TBL1XR1: variants seen among roughly 807,000 people sequenced by gnomAD.
The protein encoded by TBL1XR1 is TBL1X/Y related 1.
In TBL1XR1, 5 loss-of-function variants were observed where a neutral mutation model predicts 66.9. The ratio of observed to expected loss-of-function variants is 0.07; its 90% CI spans 0.04 to 0.16. The LOEUF (loss-of-function observed/expected upper bound fraction) is 0.16, where lower values mean the gene tolerates loss of function less well. Ranked by LOEUF, TBL1XR1 falls within the 10% of genes least tolerant of loss-of-function variation. The pLI, the probability that TBL1XR1 is intolerant of heterozygous loss-of-function variation, is 1.00. For missense variants in TBL1XR1, 238 were observed against 623.2 expected (o/e 0.38, Z 6.58); for synonymous variants, 210 against 206.0 (o/e 1.02, Z -0.17).
chr3:177,197,080 C>CCCGGCCGCCCCCACTCCAGGGT (rs1736964779), intron 1 of TBL1XR1, 41 bp downstream of exon 1: 1 of 152,066 alleles, frequency 6.6e-6, no homozygotes, highest in Non-Finnish European at 1.5e-5. Context: ...CGCCCAGGCC[C>CCCGGCCGCCCCCACTCCAGGGT]CCGGCCGCCC....
chr3:177,026,459 G>C lies in TBL1XR1; in HGVS notation c.1432C>G (p.His478Asp), dbSNP rs760486288. 6.2e-7 allele frequency: 1 copy of C among 1,603,292 alleles called. No homozygotes were observed. Among genetic ancestry groups the C allele is most frequent in the Non-Finnish European group, 8.5e-7 (1 of 1,176,956 alleles). The change falls in exon 15 of 16, where the codon CAC becomes GAC. Residue 478 changes from histidine (H) to aspartate (D), a missense_variant. By Grantham distance (81) the His-to-Asp change is moderately conservative. This residue lies in a region of TBL1XR1 where 26 missense variants were observed against 35.1 expected (regional missense o/e 0.74). Coordinates refer to ENST00000457928, the MANE Select transcript of TBL1XR1 (RefSeq NM_024665.7). Reference sequence around the variant, plus strand: ...ATTCCACCTGTTCCCCTATAGCTGTGAACTAGAGCACCTGTCTAAAAGAAT... The same window carrying C: ...ATTCCACCTGTTCCCCTATAGCTGTCAACTAGAGCACCTGTCTAAAAGAAT... Reference protein sequence around the residue: ...IWNTQTGALVHSYRGTGGIFE... With the variant: ...IWNTQTGALVDSYRGTGGIFE...
At chr3:177,077,547 T>C (rs918158587) in intron 2 of TBL1XR1, among the ~76,000 whole-genome samples, 2 of 152,214 alleles carry the variant, frequency 1.3e-5, no homozygotes, top group Non-Finnish European at 2.9e-5. Flanking sequence ...ACCTATCACC[T>C]GTATTATTAC....
chr3:177,118,289 T>C (rs1238946603), intron 1 of TBL1XR1, among the ~76,000 whole-genome samples: 1 of 152,206 alleles, frequency 6.6e-6, no homozygotes, highest in Non-Finnish European at 1.5e-5. Flanking sequence ...TAAGAGCCTA[T>C]TTAAGGACAA....
upstream of TBL1XR1, among the ~76,000 whole-genome samples, chr3:177,197,958 C>G (rs1489945533): frequency 6.6e-6 from 1 of 150,876 alleles, no homozygotes; most frequent in Non-Finnish European, 1.5e-5. Context: ...GTGGAGCCGC[C>G]GGCGAAGTTT....
chr3:177,125,136 A>G (rs1727456629), intron 1 of TBL1XR1, among the ~76,000 whole-genome samples: 1 of 152,198 alleles, frequency 6.6e-6, no homozygotes, highest in Non-Finnish European at 1.5e-5. Flanking sequence ...GAAAACCCAC[A>G]GAACAGGACA....
intron 1 of TBL1XR1, among the ~76,000 whole-genome samples, chr3:177,111,220 G>C (rs1725519538): frequency 6.6e-6 from 1 of 151,140 alleles, no homozygotes; most frequent in Non-Finnish European, 1.5e-5. Flanking sequence ...CGATACAAAA[G>C]TTACCCTGGG....
rs1171131301 is a variant in TBL1XR1, at chr3:177,023,319, ATTTT to A, written c.*2175_*2178del. 6.6e-6 allele frequency: 1 copy of A among 152,452 alleles called. No individual in the cohort carries two copies. The highest frequency in any genetic ancestry group is 1.5e-5 in the Non-Finnish European group (1 of 67,956). 9.4% of individuals were successfully genotyped at this position (152,452 alleles called of 1,614,324 possible). ...AGCACATTTTAAAATTATTGCACAGATTTTTTTAATTTTTATTTATTTTTTTTAA... is the reference window on the plus strand; with the variant it reads ...AGCACATTTTAAAATTATTGCACAGATTTAATTTTTATTTATTTTTTTTAA... On this transcript the variant is annotated 3_prime_UTR_variant, in exon 16 of 16. Coordinates refer to ENST00000457928, the MANE Select transcript of TBL1XR1 (RefSeq NM_024665.7).
At chr3:177,046,068 A>G in intron 10 of TBL1XR1, 61 bp downstream of exon 10, 1 of 1,296,442 alleles carries the variant, frequency 7.7e-7, no homozygotes, top group Non-Finnish European at 1.1e-6. Context: ...TATGCTGTTA[A>G]AAGTTTAATT....
chr3:177,068,596 T>A (rs572871004), intron 2 of TBL1XR1, among the ~76,000 whole-genome samples: 1 of 152,308 alleles, frequency 6.6e-6, no homozygotes, highest in East Asian at 1.9e-4. Flanking sequence ...CAAAACTCAG[T>A]TCAGCATATA....
At chr3:177,094,232 A>G (rs1206065708) in intron 2 of TBL1XR1, among the ~76,000 whole-genome samples, 2 of 152,210 alleles carry the variant, frequency 1.3e-5, no homozygotes, top group South Asian at 4.1e-4. Flanking sequence ...AATACTCAGT[A>G]TCACTAAAAA....
intron 1 of TBL1XR1, among the ~76,000 whole-genome samples, chr3:177,188,864 TTTTG>T (rs1169591141): frequency 1.3e-5 from 2 of 152,226 alleles, no homozygotes; most frequent in African/African-American, 2.4e-5. Flanking sequence ...ATCTAACTCA[TTTTG>T]TTTGATTCAA....
intron 1 of TBL1XR1, among the ~76,000 whole-genome samples, chr3:177,158,604 A>G (rs1003187790): frequency 6.6e-6 from 1 of 152,168 alleles, no homozygotes; most frequent in Admixed American, 6.6e-5. Flanking sequence ...ATTTCATATT[A>G]TATATTAGAC....
intron 2 of TBL1XR1, among the ~76,000 whole-genome samples, chr3:177,070,367 A>G (rs1466267639): frequency 6.6e-6 from 1 of 152,234 alleles, no homozygotes; most frequent in Non-Finnish European, 1.5e-5. Flanking sequence ...TATGTATGGA[A>G]TAACTGAATA....
chr3:177,190,793 T>A (rs1424990858), intron 1 of TBL1XR1, among the ~76,000 whole-genome samples: 5 of 152,210 alleles, frequency 3.3e-5, no homozygotes. Flanking sequence ...ACTGCTCCCA[T>A]TTTAACACAG....
chr3:177,103,820 G>A (rs914483403), intron 1 of TBL1XR1, among the ~76,000 whole-genome samples: 1 of 152,190 alleles, frequency 6.6e-6, no homozygotes, highest in Admixed American at 6.5e-5. Context: ...TTAATGTACA[G>A]AATTTGGGAA....
chr3:177,114,279 A>G (rs895005544), intron 1 of TBL1XR1, among the ~76,000 whole-genome samples: 2 of 150,920 alleles, frequency 1.3e-5, no homozygotes, highest in Non-Finnish European at 2.9e-5. Context: ...ATATATACAC[A>G]CATCATATAT....
chr3:177,024,360 CA>C lies in TBL1XR1; in HGVS notation c.*1137del. ...GTTATCTTGCTTTGTATAAAGAAAA[CA>C]ACATGAGAGATTTTTAATACTGGAG... is the stretch of plus-strand genomic sequence containing the variant. On this transcript the variant is annotated 3_prime_UTR_variant, in exon 16 of 16. Coordinates refer to ENST00000457928, the MANE Select transcript of TBL1XR1 (RefSeq NM_024665.7). 1 of 152,116 alleles carries C rather than the reference CA, an allele frequency of 6.6e-6. No individual in the cohort carries two copies. Among genetic ancestry groups the C allele is most frequent in the South Asian group, 2.1e-4 (1 of 4,828 alleles). 9.4% of individuals were successfully genotyped at this position (152,116 alleles called of 1,614,324 possible).
chr3:177,051,332 A>T (rs921633541), intron 5 of TBL1XR1, among the ~76,000 whole-genome samples, 172 bp downstream of exon 5: 2 of 152,074 alleles, frequency 1.3e-5, no homozygotes, highest in Non-Finnish European at 2.9e-5. Flanking sequence ...ATCAGAAAAA[A>T]TAACTATTGG....
intron 2 of TBL1XR1, among the ~76,000 whole-genome samples, chr3:177,086,028 C>T (rs1478294855): frequency 6.6e-6 from 1 of 151,978 alleles, no homozygotes; most frequent in African/African-American, 2.4e-5. Flanking sequence ...AACAAGAGAA[C>T]TTACTTAGCT....
Sources: allele counts gnomAD v4.1 joint callset (sites outside exome capture counted in the v4.1 genomes callset), GRCh38; gene constraint gnomAD v4.1.1; regional missense constraint gnomAD v4.1.1; transcripts MANE v1.5; gene names NCBI Gene and HGNC (gene_info 2026-07-23, HGNC 2026-07-21).